The following TAP2 variants were observed in gnomAD, a reference collection of about 807,000 sequenced individuals.
The protein encoded by TAP2 is transporter 2, ATP binding cassette subfamily B member, also known as antigen peptide transporter 2.
Under a neutral mutation model 74.7 loss-of-function variants are expected in TAP2, and 49 were observed. The ratio of observed to expected loss-of-function variants is 0.66; its 90% CI spans 0.52 to 0.83. The LOEUF is 0.83. Among genes scored for constraint, TAP2 ranks in the 40% least tolerant of loss-of-function variants. The pLI is 0.00. For synonymous variants in TAP2, 306 were observed against 368.4 expected (o/e 0.83, Z 1.94); for missense variants, 739 against 859.0 (o/e 0.86, Z 1.75).
In TAP2 at chr6:32,828,868, C is replaced by G; in HGVS notation, c.*38G>C. 6.6e-7 allele frequency: 1 copy of G among 1,522,060 alleles called. No homozygotes were observed. Among genetic ancestry groups the G allele is most frequent in the South Asian group, 1.2e-5 (1 of 82,342 alleles). The allele number at this position is 1,522,060 out of a possible 1,614,324, so 94.3% of individuals were successfully genotyped here. A position where few individuals can be genotyped will look rare whatever the true frequency, so the allele number is the denominator to read the frequency against. On this transcript the variant is annotated 3_prime_UTR_variant, in exon 12 of 12. Transcript: ENST00000374897. Reference sequence around the variant, plus strand: ...ATCCCTGGGGCCTCAGTCCATCAGCCGCTGCTGCACCAGGCGGGAATAGAG... The same window carrying G: ...ATCCCTGGGGCCTCAGTCCATCAGCGGCTGCTGCACCAGGCGGGAATAGAG...
chr6:32,834,879 G>A (rs1450639851), intron 5 of TAP2, among the ~76,000 whole-genome samples: 3 of 152,106 alleles, frequency 2.0e-5, no homozygotes, highest in South Asian at 2.1e-4. Flanking sequence ...AGTTATCATC[G>A]CCTATCATCT....
At chr6:32,831,579 T>C (rs1286519942) in intron 7 of TAP2, among the ~76,000 whole-genome samples, 3 of 152,210 alleles carry the variant, frequency 2.0e-5, no homozygotes, top group Non-Finnish European at 4.4e-5. Flanking sequence ...GCTTCTAGGT[T>C]TATCTATCAA....
At position 32,828,879 on chromosome 6, in the gene TAP2, C is replaced by G; in HGVS notation, c.*27G>C. Reference sequence around the variant, plus strand: ...CTCAGTCCATCAGCCGCTGCTGCACCAGGCGGGAATAGAGGTCCTGTCCCT... The same window carrying G: ...CTCAGTCCATCAGCCGCTGCTGCACGAGGCGGGAATAGAGGTCCTGTCCCT... On this transcript the variant is annotated 3_prime_UTR_variant, in exon 12 of 12. Transcript: ENST00000374897. The G allele has an allele frequency of 6.6e-7, 1 of 1,524,284 alleles. No individual in the cohort carries two copies. The highest frequency in any genetic ancestry group is 8.9e-7 in the Non-Finnish European group (1 of 1,128,806). The allele number at this position is 1,524,284 out of a possible 1,614,324, so 94.4% of individuals were successfully genotyped here.
chr6:32,837,059 C>G (rs1189876822), intron 3 of TAP2, among the ~76,000 whole-genome samples: 4 of 152,086 alleles, frequency 2.6e-5, no homozygotes, highest in Non-Finnish European at 5.9e-5. Context: ...AGTAATGATT[C>G]TGGAAAGAAA....
At chr6:32,821,839 C>A (rs781131711), downstream of TAP2, 12 of 162,252 alleles carry the variant, frequency 7.4e-5, no homozygotes, top group Non-Finnish European at 5.3e-5. Context: ...CATTGTTGAG[C>A]TACAGTTTAA....
Position 32,826,898 on chromosome 6 carries a change from A to G in TAP2, c.*2008T>C. The G allele has an allele frequency of 1.0e-6, 1 of 985,282 alleles. No individual in the cohort carries two copies. The highest frequency in any genetic ancestry group is 1.2e-6 in the Non-Finnish European group (1 of 829,798). The allele number at this position is 985,282 out of a possible 1,614,324, so 61.0% of individuals were successfully genotyped here. On this transcript the variant is annotated 3_prime_UTR_variant, in exon 12 of 12. Coordinates refer to ENST00000374897, the MANE Select transcript of TAP2 (RefSeq NM_001290043.2). Reference sequence around the variant, plus strand: ...CATGTAGTTGGGAGATACAGGAATTATTATTCCTGTTTTATGAATAAAGGA... The same window carrying G: ...CATGTAGTTGGGAGATACAGGAATTGTTATTCCTGTTTTATGAATAAAGGA...
chr6:32,837,417 T>C (rs745885052), intron 3 of TAP2, 120 bp downstream of exon 3: 256 of 782,146 alleles, frequency 3.3e-4, no homozygotes, highest in Non-Finnish European at 5.0e-4. Context: ...ACATTCACCA[T>C]ATTTTAGTTT....
chr6:32,831,976 T>C (rs545979754), intron 7 of TAP2, among the ~76,000 whole-genome samples: 4 of 152,240 alleles, frequency 2.6e-5, no homozygotes, highest in African/African-American at 7.2e-5. Context: ...TTTGTTGTTA[T>C]ACACTTTTAA....
chr6:32,829,358 C>T, intron 11 of TAP2, 42 bp downstream of exon 11: 1 of 1,566,014 alleles, frequency 6.4e-7, no homozygotes, highest in South Asian at 1.2e-5. Context: ...CCAGCATGCC[C>T]CTCCCAGGCC....
downstream of TAP2, among the ~76,000 whole-genome samples, chr6:32,824,423 T>A (rs1483414529): frequency 6.6e-6 from 1 of 152,156 alleles, no homozygotes; most frequent in East Asian, 1.9e-4. Context: ...TTTTTAGGTT[T>A]CTTGTGATCT....
Position 32,835,860 on chromosome 6 carries a change from A to G in TAP2, c.609-87T>C. On this transcript the variant is annotated intron_variant, in intron 3 of 11. Transcript: ENST00000374897. The surrounding 1 kb of genome is among the most constrained non-coding windows in gnomAD (Gnocchi z 4.0). ...ACAGAGGAGCAAGCCAGGAGTGCAGAGAAGCGCAAAGTCAGGGGAAAGCAT... is the reference window on the plus strand; with the variant it reads ...ACAGAGGAGCAAGCCAGGAGTGCAGGGAAGCGCAAAGTCAGGGGAAAGCAT... 8 of 1,574,868 alleles carry G rather than the reference A, an allele frequency of 5.1e-6. No homozygotes were observed. Among genetic ancestry groups the G allele is most frequent in the Non-Finnish European group, 7.0e-6 (8 of 1,147,280 alleles).
Position 32,825,847 on chromosome 6 carries a change from A to G in TAP2, c.*3059T>C, listed in dbSNP as rs1768614280. On this transcript the variant is annotated 3_prime_UTR_variant, in exon 12 of 12. Coordinates refer to ENST00000374897, the MANE Select transcript of TAP2 (RefSeq NM_001290043.2). Reference sequence around the variant, plus strand: ...CCCAGGCAAGTTAGTAAATGTTTCTAAAACTCCATTTTCTCACTCTTAGAA... The same window carrying G: ...CCCAGGCAAGTTAGTAAATGTTTCTGAAACTCCATTTTCTCACTCTTAGAA... 1 of 472,968 alleles carries G rather than the reference A, an allele frequency of 2.1e-6. No homozygotes were observed. Among genetic ancestry groups the G allele is most frequent in the African/African-American group, 2.1e-5 (1 of 46,868 alleles). The allele number at this position is 472,968 out of a possible 1,614,324, so 29.3% of individuals were successfully genotyped here.
At position 32,826,630 on chromosome 6, in the gene TAP2, C is replaced by A; in HGVS notation, c.*2276G>T. 1.0e-6 allele frequency: 1 copy of A among 985,416 alleles called. No homozygotes were observed. 61.0% of individuals were successfully genotyped at this position (985,416 alleles called of 1,614,324 possible). A position where few individuals can be genotyped will look rare whatever the true frequency, so the allele number is the denominator to read the frequency against. On this transcript the variant is annotated 3_prime_UTR_variant, in exon 12 of 12. Coordinates refer to ENST00000374897, the MANE Select transcript of TAP2 (RefSeq NM_001290043.2). ...TGGGAGTTTCCCCTGAGATAAGAAA[C>A]TTTCAGGACATCTTAAGGTCTACTG... is the stretch of plus-strand genomic sequence containing the variant.
At chr6:32,823,060 C>T (rs997772921), downstream of TAP2, among the ~76,000 whole-genome samples, 2 of 151,830 alleles carry the variant, frequency 1.3e-5, no homozygotes, top group African/African-American at 2.4e-5. Context: ...GCTGGGATTA[C>T]AGGCGCCCAC....
chr6:32,822,046 G>A, downstream of TAP2: 1 of 532,958 alleles, frequency 1.9e-6, no homozygotes, highest in South Asian at 2.3e-5. Context: ...ATCCCACCTA[G>A]TGAGAATCCA....
intron 3 of TAP2, among the ~76,000 whole-genome samples, chr6:32,836,896 A>T (rs1174837827): frequency 2.0e-5 from 3 of 152,228 alleles, no homozygotes; most frequent in African/African-American, 7.2e-5. Context: ...AGAGACAATC[A>T]GGCCGGCTGG....
Position 32,832,705 on chromosome 6 carries a change from A to G in TAP2, c.1065T>C (p.Tyr355=). Residue 355 remains tyrosine, a synonymous_variant, in exon 6 of 12, where the codon TAT becomes TAC. Coordinates refer to ENST00000374897, the MANE Select transcript of TAP2 (RefSeq NM_001290043.2). This position sits in a 1 kb window ranked among gnomAD's most constrained non-coding sequence, Gnocchi z 5.9. ...GCCGACATTGTTCAAGGGCCTCTTT[A>G]TAGCGACAGACTTCATGCTCCTCGG... The part of the protein sequence containing the change: ...FGAEEHEVCR[Y]KEALEQCRQL... 2 of 1,613,090 alleles carry G rather than the reference A, an allele frequency of 1.2e-6. No homozygotes were observed. The highest frequency in any genetic ancestry group is 1.7e-6 in the Non-Finnish European group (2 of 1,180,040).
At chr6:32,822,858 T>C (rs1287889375), downstream of TAP2, among the ~76,000 whole-genome samples, 1 of 151,854 alleles carries the variant, frequency 6.6e-6, no homozygotes, top group Admixed American at 6.6e-5. Context: ...AAGTTTGATA[T>C]AGATGTAGCA....
chr6:32,830,673 T>C lies in TAP2; in HGVS notation c.1406A>G (p.Lys469Arg). The change falls in exon 8 of 12, where the codon AAA becomes AGA. Residue 469 changes from lysine (K) to arginine (R), a missense_variant. Transcript: ENST00000374897. ...ATATGCAAAGGAGACGTCTTGGAAT[T>C]TCACAACCCCCTGCAGAGTGGTGGG... ...LAPTTLQGVV[K>R]FQDVSFAYPN... 1 of 1,613,082 alleles carries C rather than the reference T, an allele frequency of 6.2e-7. No homozygotes were observed. Among genetic ancestry groups the C allele is most frequent in the Non-Finnish European group, 8.5e-7 (1 of 1,180,038 alleles).
Sources: gnomAD v4.1 joint callset for allele counts (sites outside exome capture counted in the v4.1 genomes callset) on GRCh38, gnomAD v4.1.1 for gene constraint, Gnocchi (gnomAD v3.1) non-coding constraint, MANE v1.5 for transcripts, NCBI Gene and HGNC (gene_info 2026-07-23, HGNC 2026-07-21) for gene names.